CBLB: variants seen among roughly 807,000 people sequenced by gnomAD.
The protein encoded by CBLB is E3 ubiquitin-protein ligase CBL-B.
Under a neutral mutation model 104.9 loss-of-function variants are expected in CBLB, and 31 were observed. The observed-to-expected ratio is 0.30, with a 90% CI of 0.22 to 0.40. CBLB has a LOEUF of 0.40. Among genes scored for constraint, CBLB ranks in the 10% least tolerant of loss-of-function variants. CBLB has a pLI of 1.00. For synonymous variants in CBLB, 440 were observed against 422.6 expected (o/e 1.04, Z -0.51); for missense variants, 1,062 against 1,214.6 (o/e 0.87, Z 1.87).
chr3:105,819,442 G>A (rs1196032659), intron 3 of CBLB, among the ~76,000 whole-genome samples: 2 of 151,462 alleles, frequency 1.3e-5, no homozygotes, highest in Non-Finnish European at 1.5e-5. Flanking sequence ...AGCTGAGATT[G>A]TGCCACTGAA....
At chr3:105,852,863 G>A (rs1251873841) in intron 3 of CBLB, among the ~76,000 whole-genome samples, 5 of 151,860 alleles carry the variant, frequency 3.3e-5, no homozygotes, top group Admixed American at 2.0e-4. Context: ...GATTACAGGC[G>A]TGTGCCACCA....
chr3:105,719,159 A>C (rs1364670497), intron 10 of CBLB, among the ~76,000 whole-genome samples: 1 of 152,226 alleles, frequency 6.6e-6, no homozygotes, highest in Non-Finnish European at 1.5e-5. Context: ...CATTAAGAAA[A>C]AACTCTATCA....
Position 105,663,948 on chromosome 3 carries a change from AT to A in CBLB, c.2690-4720del, listed in dbSNP as rs34595997. On this transcript the variant is annotated intron_variant, in intron 18 of 18. Transcript: ENST00000394030. Reference sequence around the variant, plus strand: ...TCCAAAAGGCCCGTAGGCAGACCATATTTTTTTTTTTTAAGTGAGACGCACT... The same window carrying A: ...TCCAAAAGGCCCGTAGGCAGACCATATTTTTTTTTTTAAGTGAGACGCACT... Among the ~76,000 whole-genome samples the A allele has an allele frequency of 2.4e-3, 349 of 144,148 alleles. 1 individual carries two copies. The highest frequency in any genetic ancestry group is 4.2e-3 in the East Asian group (21 of 5,008). 94.6% of individuals were successfully genotyped at this position (144,148 alleles called of 152,430 possible). A position where few individuals can be genotyped will look rare whatever the true frequency, so the allele number is the denominator to read the frequency against.
At chr3:105,798,964 G>T (rs934746823) in intron 3 of CBLB, among the ~76,000 whole-genome samples, 1 of 152,052 alleles carries the variant, frequency 6.6e-6, no homozygotes, top group African/African-American at 2.4e-5. Flanking sequence ...GAACAGTAAA[G>T]GGTCTTGTTT....
At chr3:105,838,494 T>A (rs1361557330) in intron 3 of CBLB, among the ~76,000 whole-genome samples, 1 of 151,614 alleles carries the variant, frequency 6.6e-6, no homozygotes, top group African/African-American at 2.4e-5. Flanking sequence ...TAAGAAAGAA[T>A]ATCTGCATAA....
At chr3:105,696,022 T>C (rs184156139) in intron 12 of CBLB, among the ~76,000 whole-genome samples, 611 of 145,196 alleles carry the variant, frequency 4.2e-3, no homozygotes, top group Middle Eastern at 0.015. Flanking sequence ...TCAGCAAATA[T>C]GTGTGAGTAT....
chr3:105,695,736 A>G (rs1313080088), intron 12 of CBLB, among the ~76,000 whole-genome samples: 1 of 151,766 alleles, frequency 6.6e-6, no homozygotes, highest in Non-Finnish European at 1.5e-5. Context: ...TGAACCATTC[A>G]TTTGATGTTT....
At chr3:105,775,345 T>C (rs577340670) in intron 4 of CBLB, among the ~76,000 whole-genome samples, 1 of 151,988 alleles carries the variant, frequency 6.6e-6, no homozygotes, top group Non-Finnish European at 1.5e-5. Context: ...TATAGTAAAC[T>C]ATAGTACTTT....
chr3:105,659,339 CT>C, intron 18 of CBLB, 110 bp from the exon 19 acceptor site: 1 of 1,186,956 alleles, frequency 8.4e-7, no homozygotes, highest in Non-Finnish European at 1.2e-6. Context: ...TTCTTGTTTT[CT>C]TTACAAATAA....
chr3:105,809,249 CAT>C (rs2083936598), intron 3 of CBLB, among the ~76,000 whole-genome samples: 1 of 152,204 alleles, frequency 6.6e-6, no homozygotes, highest in South Asian at 2.1e-4. Context: ...TATATAAACA[CAT>C]ATTCTGTCTA....
At chr3:105,778,604 C>T (rs2079771301) in intron 3 of CBLB, among the ~76,000 whole-genome samples, 1 of 151,910 alleles carries the variant, frequency 6.6e-6, no homozygotes, top group Admixed American at 6.6e-5. Context: ...CTACGGAAAG[C>T]TTTTTGATGA....
chr3:105,694,306 C>T (rs1292943856), intron 12 of CBLB, among the ~76,000 whole-genome samples: 1 of 151,914 alleles, frequency 6.6e-6, no homozygotes, highest in African/African-American at 2.4e-5. Flanking sequence ...AAAAACTGTT[C>T]GTTTCTCCTA....
chr3:105,659,097 C>G lies in CBLB; in HGVS notation c.2822G>C (p.Gly941Ala). Residue 941 changes from glycine (G) to alanine (A), a missense_variant, in exon 19 of 19, where the codon GGA becomes GCA. This residue lies in a region of CBLB where 605 missense variants were observed against 582.6 expected (regional missense o/e 1.04). Coordinates refer to ENST00000394030, the MANE Select transcript of CBLB (RefSeq NM_170662.5). ...CACCTCTTCAAAGGCATAACCCTCT[C>G]CCATGAGTTTTGCAATTTTTGCATC... Reference protein sequence around the residue: ...NVDAKIAKLMGEGYAFEEVKR... With the variant: ...NVDAKIAKLMAEGYAFEEVKR... The G allele has an allele frequency of 6.2e-7, 1 of 1,614,036 alleles. No homozygotes were observed. Among genetic ancestry groups the G allele is most frequent in the South Asian group, 1.1e-5 (1 of 91,068 alleles).
chr3:105,789,413 C>A lies in CBLB; in HGVS notation c.420-12871G>T, dbSNP rs1021076585. On this transcript the variant is annotated intron_variant, in intron 3 of 18. Coordinates refer to ENST00000394030, the MANE Select transcript of CBLB (RefSeq NM_170662.5). ...TTCTGTATTTTCTCTGATAAAAAAA[C>A]CAACCAGGGAACGTTTTTAGAAAAA... 2.6e-5 allele frequency among the ~76,000 whole-genome samples: 4 copies of A among 152,004 alleles called. No homozygotes were observed. The East Asian group carries it at 5.8e-4, about 22-fold the overall frequency.
Position 105,658,977 on chromosome 3 carries a change from T to A in CBLB, c.2942A>T (p.Asn981Ile). 6.2e-7 allele frequency: 1 copy of A among 1,613,840 alleles called. No individual in the cohort carries two copies. The highest frequency in any genetic ancestry group is 8.5e-7 in the Non-Finnish European group (1 of 1,179,854). Reference protein sequence around the residue: ...AFPPPVSPRLNL With the variant: ...AFPPPVSPRLIL The stretch of plus-strand genomic sequence containing the variant: ...TGTCTACAGTTCTGGCTGCTATAGA[T>A]TTAGACGTGGGGATACTGGAGGAGG... The change falls in exon 19 of 19, where the codon AAT becomes ATT. Residue 981 changes from asparagine (N) to isoleucine (I), a missense_variant. This residue lies in a region of CBLB where 605 missense variants were observed against 582.6 expected (regional missense o/e 1.04). Coordinates refer to ENST00000394030, the MANE Select transcript of CBLB (RefSeq NM_170662.5).
chr3:105,825,408 C>T (rs138718103), intron 3 of CBLB, among the ~76,000 whole-genome samples: 5 of 152,222 alleles, frequency 3.3e-5, no homozygotes, highest in East Asian at 1.9e-4. Flanking sequence ...GGAAAGGAAG[C>T]GGAGAGGAAA....
At chr3:105,731,659 T>C (rs1275555317) in intron 9 of CBLB, among the ~76,000 whole-genome samples, 1 of 152,158 alleles carries the variant, frequency 6.6e-6, no homozygotes, top group African/African-American at 2.4e-5. Context: ...CCTTATGTTG[T>C]CCAGGCTGTT....
At chr3:105,809,902 A>G (rs1560344404) in intron 3 of CBLB, among the ~76,000 whole-genome samples, 2 of 152,238 alleles carry the variant, frequency 1.3e-5, no homozygotes, top group South Asian at 4.1e-4. Context: ...TGAGAAAAAA[A>G]GATGGGACAT....
At chr3:105,724,764 T>A (rs950592841) in intron 9 of CBLB, among the ~76,000 whole-genome samples, 1 of 152,196 alleles carries the variant, frequency 6.6e-6, no homozygotes, top group South Asian at 2.1e-4. Context: ...TCCTAAGCAC[T>A]TTATTAGAAA....
Sources: allele counts gnomAD v4.1 joint callset (sites outside exome capture counted in the v4.1 genomes callset), GRCh38; gene constraint gnomAD v4.1.1; regional missense constraint gnomAD v4.1.1; transcripts MANE v1.5; gene names NCBI Gene and HGNC (gene_info 2026-07-23, HGNC 2026-07-21).